LARGE1: variants seen among roughly 807,000 people sequenced by gnomAD.
The protein encoded by LARGE1 is xylosyl- and glucuronyltransferase LARGE1.
A neutral mutation model predicts 87.6 loss-of-function variants in LARGE1; 43 were observed. That is an observed-to-expected ratio of 0.49 (90% CI 0.38 to 0.63). The LOEUF is 0.63. LARGE1 is among the 30% of genes least tolerant of loss of function. LARGE1 has a pLI of 0.00. For synonymous variants in LARGE1, 434 were observed against 394.6 expected, an observed-to-expected ratio of 1.10 and a Z score of -1.18; for missense variants, 802 against 1,000.2, an observed-to-expected ratio of 0.80 and a Z score of 2.67.
intron 6 of LARGE1, among the ~76,000 whole-genome samples, chr22:33,435,067 T>C (rs193035850): frequency 6.6e-6 from 1 of 152,316 alleles, no homozygotes; most frequent in East Asian, 1.9e-4. Context: ...AATGGCGCCA[T>C]CTCGGCTCAC....
At chr22:33,305,166 G>A (rs900717740) in intron 11 of LARGE1, among the ~76,000 whole-genome samples, 1 of 151,882 alleles carries the variant, frequency 6.6e-6, no homozygotes, top group African/African-American at 2.4e-5. Flanking sequence ...GAGTCAGGGA[G>A]AAAAAAATAA....
At chr22:33,548,040 T>A (rs2077411998) in intron 6 of LARGE1, among the ~76,000 whole-genome samples, 1 of 152,140 alleles carries the variant, frequency 6.6e-6, no homozygotes, top group Non-Finnish European at 1.5e-5. Context: ...CAAGGACTCT[T>A]ACATGGTTTG....
At chr22:33,464,636 A>C (rs1165730968) in intron 6 of LARGE1, among the ~76,000 whole-genome samples, 1 of 152,222 alleles carries the variant, frequency 6.6e-6, no homozygotes, top group Admixed American at 6.5e-5. Context: ...ATGATGAAAA[A>C]ATGCAAATTA....
At chr22:33,519,916 GGA>G (rs2071489349) in intron 6 of LARGE1, among the ~76,000 whole-genome samples, 1 of 151,770 alleles carries the variant, frequency 6.6e-6, no homozygotes, top group Non-Finnish European at 1.5e-5. Flanking sequence ...CTTTTCCTTA[GGA>G]TTAAGAAGTT....
the LARGE1 span, among the ~76,000 whole-genome samples, chr22:33,103,896 G>A: frequency 6.6e-6 from 1 of 152,080 alleles, no homozygotes; most frequent in Non-Finnish European, 1.5e-5. Flanking sequence ...GTTTTATAAG[G>A]GGAAACCCCT....
rs182752767 is a variant in LARGE1, at chr22:33,736,701, G to A, written c.106+24670C>T. Reference sequence around the variant, plus strand: ...CTTCTAGTGTCATATCTCAGAAACCGTTGCCTAATCTAAAGTCACAAAGAT... The same window carrying A: ...CTTCTAGTGTCATATCTCAGAAACCATTGCCTAATCTAAAGTCACAAAGAT... On this transcript the variant is annotated intron_variant, in intron 2 of 14. Transcript: ENST00000397394. 1.2e-4 allele frequency among the ~76,000 whole-genome samples: 19 copies of A among 152,118 alleles called. No individual in the cohort carries two copies. In the East Asian group the frequency reaches 3.1e-3, roughly 25 times the overall value.
chr22:33,596,016 C>T (rs2078967414), intron 5 of LARGE1, among the ~76,000 whole-genome samples: 1 of 152,144 alleles, frequency 6.6e-6, no homozygotes, highest in Non-Finnish European at 1.5e-5. Context: ...GATCTCTTAT[C>T]TCTGGAAGTA....
At position 33,761,481 on chromosome 22, in the gene LARGE1, T is replaced by A. The variant is rs1007129507; in HGVS notation, c.-5A>T. Reference sequence around the variant, plus strand: ...CCCCCTGCAGATTCCCAGCATCCTCTCAGAAGTGGCAATCCCTAATCCCAG... The same window carrying A: ...CCCCCTGCAGATTCCCAGCATCCTCACAGAAGTGGCAATCCCTAATCCCAG... On this transcript the variant is annotated 5_prime_UTR_variant, in exon 2 of 15. Transcript: ENST00000397394. 5 of 1,611,696 alleles carry A rather than the reference T, an allele frequency of 3.1e-6. No individual in the cohort carries two copies. Among genetic ancestry groups the A allele is most frequent in the Non-Finnish European group, 4.2e-6 (5 of 1,177,984 alleles).
chr22:33,661,650 T>C (rs982622492), intron 2 of LARGE1, among the ~76,000 whole-genome samples: 2 of 152,126 alleles, frequency 1.3e-5, no homozygotes, highest in South Asian at 4.1e-4. Context: ...CTGACCCCAT[T>C]CATTCCTGCT....
At chr22:33,092,375 G>A in the LARGE1 span, among the ~76,000 whole-genome samples, 3 of 152,134 alleles carry the variant, frequency 2.0e-5, no homozygotes, top group East Asian at 1.9e-4. Context: ...GGGGAGGAGC[G>A]GTTCAAGTGA....
the LARGE1 span, among the ~76,000 whole-genome samples, chr22:33,075,937 C>T: frequency 2.0e-5 from 3 of 152,228 alleles, no homozygotes; most frequent in East Asian, 3.9e-4. Context: ...AATGATAACA[C>T]GTTTACTGCG....
the LARGE1 span, among the ~76,000 whole-genome samples, chr22:33,131,106 A>G: frequency 2.0e-5 from 3 of 151,840 alleles, no homozygotes; most frequent in Non-Finnish European, 4.4e-5. Context: ...TGCTTCAGGA[A>G]AGTGAAAGAG....
At chr22:33,358,776 G>A (rs1254248401) in intron 9 of LARGE1, among the ~76,000 whole-genome samples, 1 of 152,050 alleles carries the variant, frequency 6.6e-6, no homozygotes, top group African/African-American at 2.4e-5. Context: ...CATGAGGTCA[G>A]GAGTTTGAGA....
At chr22:33,338,326 C>G (rs905449124) in intron 9 of LARGE1, among the ~76,000 whole-genome samples, 5 of 152,140 alleles carry the variant, frequency 3.3e-5, no homozygotes, top group African/African-American at 1.2e-4. Context: ...GCAGCAGCTA[C>G]ATCCATTCTG....
intron 1 of LARGE1, among the ~76,000 whole-genome samples, chr22:33,879,711 T>C (rs1485880944): frequency 1.3e-5 from 2 of 152,212 alleles, no homozygotes; most frequent in Non-Finnish European, 2.9e-5. Context: ...ACGCATGAAC[T>C]TGAAACACCA....
intron 10 of LARGE1, among the ~76,000 whole-genome samples, chr22:33,321,798 G>T (rs915539156): frequency 1.3e-5 from 2 of 152,114 alleles, no homozygotes; most frequent in Non-Finnish European, 2.9e-5. Flanking sequence ...ATGTATGGGG[G>T]TTTCTCATCC....
intron 1 of LARGE1, among the ~76,000 whole-genome samples, chr22:33,829,944 C>T (rs1441571127): frequency 6.6e-6 from 1 of 152,038 alleles, no homozygotes; most frequent in East Asian, 1.9e-4. Context: ...CAGACCAGGC[C>T]CCTGCTTGAG....
intron 6 of LARGE1, among the ~76,000 whole-genome samples, chr22:33,564,001 T>C (rs2148778241): frequency 6.6e-6 from 1 of 152,268 alleles, no homozygotes; most frequent in African/African-American, 2.4e-5. Flanking sequence ...TTTAAAATCA[T>C]TAAGTAGTAT....
At chr22:33,541,078 G>GGGGGGGT in intron 6 of LARGE1, among the ~76,000 whole-genome samples, 1 of 62,202 alleles carries the variant, frequency 1.6e-5, no homozygotes, top group Non-Finnish European at 3.4e-5. Flanking sequence ...CGGGGGGCGG[G>GGGGGGGT]TTGCAGGGGG....
Sources: allele counts gnomAD v4.1 joint callset (sites outside exome capture counted in the v4.1 genomes callset), GRCh38; gene constraint gnomAD v4.1.1; transcripts MANE v1.5; gene names NCBI Gene and HGNC (gene_info 2026-07-23, HGNC 2026-07-21).